The following SEMA6D variants were observed in gnomAD, a reference collection of about 807,000 sequenced individuals.
SEMA6D encodes the protein semaphorin-6D.
SEMA6D carries 35 observed loss-of-function variants against 106.6 expected under a neutral mutation model. That is an observed-to-expected ratio of 0.33 (90% CI 0.25 to 0.44). The LOEUF (loss-of-function observed/expected upper bound fraction) is 0.44, where lower values mean the gene tolerates loss of function less well. Among genes scored for constraint, SEMA6D ranks in the 20% least tolerant of loss-of-function variants. The pLI is 1.00. For synonymous variants in SEMA6D, 499 were observed against 487.7 expected (o/e 1.02, Z -0.31); for missense variants, 1,185 against 1,345.9 (o/e 0.88, Z 1.87).
At chr15:47,254,323 G>A (rs1238269156) in intron 1 of SEMA6D, among the ~76,000 whole-genome samples, 1 of 77,732 alleles carries the variant, frequency 1.3e-5, no homozygotes. Context: ...ATATATATGT[G>A]TGTGTGTGTA....
intron 1 of SEMA6D, among the ~76,000 whole-genome samples, chr15:47,214,180 T>C (rs2030332740): frequency 6.6e-6 from 1 of 152,210 alleles, no homozygotes; most frequent in South Asian, 2.1e-4. Context: ...GCCTGAATCT[T>C]GTTTAAAAAA....
intron 4 of SEMA6D, chr15:47,601,043 G>A (rs1424360069): frequency 6.6e-6 from 1 of 152,032 alleles, no homozygotes; most frequent in East Asian, 1.9e-4. Context: ...ATTCGAGCAT[G>A]CTATGAATAT....
intron 4 of SEMA6D, among the ~76,000 whole-genome samples, chr15:47,645,494 A>G (rs533120553): frequency 6.6e-6 from 1 of 152,202 alleles, no homozygotes; most frequent in South Asian, 2.1e-4. Flanking sequence ...GCCCAAAAAC[A>G]AAGTTGGAGT....
intron 1 of SEMA6D, among the ~76,000 whole-genome samples, chr15:47,282,156 C>G (rs967355467): frequency 4.6e-5 from 7 of 152,086 alleles, no homozygotes; most frequent in Non-Finnish European, 7.4e-5. Flanking sequence ...GAAAACAGGA[C>G]ATTTGCTAAT....
chr15:47,436,112 G>A (rs537942507), intron 2 of SEMA6D, among the ~76,000 whole-genome samples: 3 of 152,202 alleles, frequency 2.0e-5, no homozygotes, highest in South Asian at 2.1e-4. Context: ...ACTTTGGGCC[G>A]ATTGCGGTGG....
chr15:47,427,178 A>G (rs1384740994), intron 2 of SEMA6D, among the ~76,000 whole-genome samples: 1 of 152,140 alleles, frequency 6.6e-6, no homozygotes, highest in Non-Finnish European at 1.5e-5. Flanking sequence ...TTTAATGGGG[A>G]GAAAGGAGGC....
chr15:47,433,183 T>G (rs936776257), intron 2 of SEMA6D, among the ~76,000 whole-genome samples: 2 of 152,098 alleles, frequency 1.3e-5, no homozygotes, highest in African/African-American at 4.8e-5. Flanking sequence ...CACTTTCTTC[T>G]TAATTATGTT....
At chr15:47,553,409 A>G (rs1414959955) in intron 3 of SEMA6D, among the ~76,000 whole-genome samples, 1 of 152,172 alleles carries the variant, frequency 6.6e-6, no homozygotes, top group African/African-American at 2.4e-5. Context: ...GTGTCCCAGC[A>G]GGATTGCATA....
intron 4 of SEMA6D, among the ~76,000 whole-genome samples, chr15:47,666,873 C>T (rs1171663474): frequency 6.6e-6 from 1 of 152,158 alleles, no homozygotes; most frequent in Non-Finnish European, 1.5e-5. Context: ...TTACACGACC[C>T]TAAATAAGTT....
At chr15:47,729,721 G>C (rs1367407687) in intron 1 of SEMA6D, among the ~76,000 whole-genome samples, 3 of 152,312 alleles carry the variant, frequency 2.0e-5, no homozygotes, top group African/African-American at 7.2e-5. Flanking sequence ...AGCTATCAGA[G>C]ATCCCTCCCT....
intron 1 of SEMA6D, among the ~76,000 whole-genome samples, chr15:47,358,527 G>C (rs1302183795): frequency 1.3e-5 from 2 of 152,220 alleles, no homozygotes; most frequent in African/African-American, 4.8e-5. Flanking sequence ...GGAATGAACT[G>C]TGATGGTAGA....
intron 4 of SEMA6D, among the ~76,000 whole-genome samples, chr15:47,700,351 C>T (rs2078784883): frequency 6.6e-6 from 1 of 152,046 alleles, no homozygotes; most frequent in South Asian, 2.1e-4. Flanking sequence ...TGTAGGGAGA[C>T]CTTGTCTCTA....
intron 1 of SEMA6D, among the ~76,000 whole-genome samples, chr15:47,271,166 T>C (rs764080342): frequency 4.6e-5 from 7 of 152,228 alleles, no homozygotes; most frequent in Non-Finnish European, 7.3e-5. Flanking sequence ...ATCCAAACTC[T>C]ATTGTGAAAG....
At chr15:47,504,239 C>G (rs1222936301) in intron 3 of SEMA6D, among the ~76,000 whole-genome samples, 1 of 152,152 alleles carries the variant, frequency 6.6e-6, no homozygotes, top group African/African-American at 2.4e-5. Context: ...GCCTCTACTC[C>G]CAACTTCTGA....
At chr15:47,201,651 C>T (rs548968047) in intron 1 of SEMA6D, among the ~76,000 whole-genome samples, 6 of 152,232 alleles carry the variant, frequency 3.9e-5, no homozygotes, top group Admixed American at 3.9e-4. Flanking sequence ...AAAACCTATA[C>T]CACTACCTCA....
chr15:47,217,200 AAGAC>A (rs1387730379), intron 1 of SEMA6D, among the ~76,000 whole-genome samples: 1 of 152,164 alleles, frequency 6.6e-6, no homozygotes, highest in Non-Finnish European at 1.5e-5. Context: ...CAAATAGACT[AAGAC>A]AGAAGCCATG....
intron 3 of SEMA6D, among the ~76,000 whole-genome samples, chr15:47,593,621 T>G (rs945387448): frequency 2.6e-5 from 4 of 151,806 alleles, no homozygotes; most frequent in South Asian, 2.1e-4. Context: ...AAGTGGTATG[T>G]TAGTCTGTTT....
intron 1 of SEMA6D, among the ~76,000 whole-genome samples, chr15:47,319,327 A>G (rs768480976): frequency 1.2e-3 from 188 of 152,066 alleles, no homozygotes; most frequent in African/African-American, 4.6e-4. Flanking sequence ...CTGCCTCTTC[A>G]TGTTGTGTTT....
intron 3 of SEMA6D, among the ~76,000 whole-genome samples, chr15:47,533,559 G>A (rs117029895): frequency 0.012 from 1,839 of 152,250 alleles, 11 homozygotes; most frequent in Admixed American, 0.021. Flanking sequence ...TGTGGGAAGC[G>A]CGGGAAGTGA....
Sources: allele counts gnomAD v4.1 joint callset (sites outside exome capture counted in the v4.1 genomes callset), GRCh38; gene constraint gnomAD v4.1.1; transcripts MANE v1.5; gene names NCBI Gene and HGNC (gene_info 2026-07-23, HGNC 2026-07-21).